The following KHDRBS2 variants were observed in gnomAD, a reference collection of about 807,000 sequenced individuals.
The protein encoded by KHDRBS2 is KH RNA binding domain containing, signal transduction associated 2.
Under a neutral mutation model 44.3 loss-of-function variants are expected in KHDRBS2, and 26 were observed. That is an observed-to-expected ratio of 0.59 (90% CI 0.43 to 0.81). KHDRBS2 has a LOEUF of 0.81. Among genes scored for constraint, KHDRBS2 ranks in the 40% least tolerant of loss-of-function variants. KHDRBS2 has a pLI of 0.00. For synonymous variants in KHDRBS2, 194 were observed against 151.1 expected, an observed-to-expected ratio of 1.28 and a Z score of -2.08; for missense variants, 476 against 433.1, an observed-to-expected ratio of 1.10 and a Z score of -0.88.
chr6:61,632,319 A>G, the KHDRBS2 span, among the ~76,000 whole-genome samples: 1 of 152,154 alleles, frequency 6.6e-6, no homozygotes, highest in East Asian at 1.9e-4. Flanking sequence ...ATAATTTATC[A>G]TGATAAATAT....
At chr6:61,590,038 C>A in the KHDRBS2 span, among the ~76,000 whole-genome samples, 1 of 151,920 alleles carries the variant, frequency 6.6e-6, no homozygotes, top group African/African-American at 2.4e-5. Flanking sequence ...GAGGCATCTG[C>A]TGGTAAAAAA....
intron 2 of KHDRBS2, among the ~76,000 whole-genome samples, chr6:62,148,431 T>C (rs1366665364): frequency 6.6e-6 from 1 of 151,942 alleles, no homozygotes; most frequent in East Asian, 1.9e-4. Context: ...AATGAACAGA[T>C]AGAGTACAAT....
chr6:62,028,856 C>T (rs1288760380), intron 3 of KHDRBS2, among the ~76,000 whole-genome samples: 6 of 152,054 alleles, frequency 3.9e-5, no homozygotes, highest in Non-Finnish European at 7.4e-5. Flanking sequence ...TGTGAGAATT[C>T]ACAGGACCTC....
the KHDRBS2 span, among the ~76,000 whole-genome samples, chr6:61,626,982 G>C: frequency 1.4e-4 from 21 of 152,054 alleles, no homozygotes; most frequent in African/African-American, 4.1e-4. Context: ...GGCCGGGCGC[G>C]GTGGCTCACG....
chr6:62,281,760 G>A (rs186781944), intron 1 of KHDRBS2, among the ~76,000 whole-genome samples: 1 of 152,018 alleles, frequency 6.6e-6, no homozygotes, highest in African/African-American at 2.4e-5. Context: ...CACTTTTCCT[G>A]TTATATAGAT....
the KHDRBS2 span, among the ~76,000 whole-genome samples, chr6:61,665,217 A>T: frequency 6.6e-6 from 1 of 151,578 alleles, no homozygotes; most frequent in African/African-American, 2.4e-5. Flanking sequence ...AAATAGAAGA[A>T]AATATTTTAG....
At chr6:61,703,809 G>A (rs1482025508) in intron 7 of KHDRBS2, among the ~76,000 whole-genome samples, 1 of 151,792 alleles carries the variant, frequency 6.6e-6, no homozygotes, top group Admixed American at 6.6e-5. Flanking sequence ...TAGATTGAAG[G>A]AATGGGAAAC....
At chr6:61,813,456 G>A (rs935743322) in intron 6 of KHDRBS2, among the ~76,000 whole-genome samples, 1 of 152,146 alleles carries the variant, frequency 6.6e-6, no homozygotes, top group Non-Finnish European at 1.5e-5. Flanking sequence ...GGCAGGATTT[G>A]CAAACCTAGG....
chr6:61,773,275 T>C (rs1781308430), intron 6 of KHDRBS2, among the ~76,000 whole-genome samples: 1 of 152,216 alleles, frequency 6.6e-6, no homozygotes, highest in Non-Finnish European at 1.5e-5. Context: ...AAAGTGTTCC[T>C]ATATCTCCAC....
At chr6:62,222,369 G>A (rs1831047063) in intron 1 of KHDRBS2, among the ~76,000 whole-genome samples, 1 of 152,134 alleles carries the variant, frequency 6.6e-6, no homozygotes, top group African/African-American at 2.4e-5. Flanking sequence ...CCACATGGCT[G>A]GAGAGGCCTC....
chr6:62,131,625 T>C (rs934578843), intron 2 of KHDRBS2, among the ~76,000 whole-genome samples: 1 of 152,124 alleles, frequency 6.6e-6, no homozygotes, highest in African/African-American at 2.4e-5. Context: ...GAAATAGATA[T>C]CCTCCCCTTA....
At chr6:62,244,221 C>T (rs997480303) in intron 1 of KHDRBS2, among the ~76,000 whole-genome samples, 1 of 152,028 alleles carries the variant, frequency 6.6e-6, no homozygotes, top group African/African-American at 2.4e-5. Context: ...TTAGGTTTTG[C>T]TATCATAAAT....
intron 1 of KHDRBS2, among the ~76,000 whole-genome samples, chr6:62,178,271 G>A (rs1379069462): frequency 6.6e-6 from 1 of 151,532 alleles, no homozygotes; most frequent in Non-Finnish European, 1.5e-5. Context: ...TTAACAGTCT[G>A]ATGAAAACCA....
intron 6 of KHDRBS2, among the ~76,000 whole-genome samples, chr6:61,758,350 C>T (rs767982066): frequency 1.3e-5 from 2 of 151,824 alleles, no homozygotes; most frequent in Non-Finnish European, 1.5e-5. Flanking sequence ...ACCAAAAGCA[C>T]GTGCCATCTA....
chr6:61,904,207 T>C (rs769898595), intron 4 of KHDRBS2, among the ~76,000 whole-genome samples: 2 of 152,084 alleles, frequency 1.3e-5, no homozygotes, highest in Non-Finnish European at 2.9e-5. Context: ...GAGGTGAATA[T>C]ATCCGAATGT....
chr6:61,807,228 G>A (rs771334713), intron 6 of KHDRBS2, among the ~76,000 whole-genome samples: 3 of 152,054 alleles, frequency 2.0e-5, no homozygotes, highest in Non-Finnish European at 4.4e-5. Flanking sequence ...GCTGGTGGGA[G>A]TACAAATTAG....
chr6:62,077,262 C>T (rs528565276), intron 2 of KHDRBS2, among the ~76,000 whole-genome samples: 1 of 152,052 alleles, frequency 6.6e-6, no homozygotes, highest in South Asian at 2.1e-4. Flanking sequence ...TGACTCCAGG[C>T]CAAGATCCTA....
In KHDRBS2 at chr6:61,680,889, GT is replaced by G. The variant is rs1766222571; in HGVS notation, c.*73del. ...ACAAACAAAAAAAGGACTATTACTT[GT>G]CTTGTTGCTGTTTATGTGGAGACCA... is the stretch of plus-strand genomic sequence containing the variant. On this transcript the variant is annotated 3_prime_UTR_variant, in exon 9 of 9. Transcript: ENST00000281156. 2.3e-6 allele frequency: 2 copies of G among 881,760 alleles called. No homozygotes were observed. The highest frequency in any genetic ancestry group is 3.7e-6 in the Non-Finnish European group (2 of 542,020). 54.6% of individuals were successfully genotyped at this position (881,760 alleles called of 1,614,324 possible).
intron 6 of KHDRBS2, among the ~76,000 whole-genome samples, chr6:61,741,886 A>G (rs1158609459): frequency 6.6e-6 from 1 of 152,000 alleles, no homozygotes; most frequent in Non-Finnish European, 1.5e-5. Flanking sequence ...TTAAAAATTA[A>G]CAAGTCTTTG....
Sources: gnomAD v4.1 joint callset for allele counts (sites outside exome capture counted in the v4.1 genomes callset) on GRCh38, gnomAD v4.1.1 for gene constraint, MANE v1.5 for transcripts, NCBI Gene and HGNC (gene_info 2026-07-23, HGNC 2026-07-21) for gene names.